Variants in UNC80 observed in about 807,000 individuals in gnomAD.
UNC80 encodes the protein unc-80 subunit of NALCN channel complex.
A neutral mutation model predicts 384.6 loss-of-function variants in UNC80; 164 were observed. That is an observed-to-expected ratio of 0.43 (90% CI 0.38 to 0.49). The LOEUF (loss-of-function observed/expected upper bound fraction) is 0.49. UNC80 is among the 20% of genes least tolerant of loss of function. UNC80 has a pLI of 0.00. For synonymous variants in UNC80, 1,486 were observed against 1,527.8 expected (o/e 0.97, Z 0.64); for missense variants, 3,330 against 4,143.0 (o/e 0.80, Z 5.39).
chr2:209,994,425 A>G (rs2093448300), intron 64 of UNC80, among the ~76,000 whole-genome samples, 161 bp downstream of exon 64: 1 of 152,170 alleles, frequency 6.6e-6, no homozygotes. Context: ...AAAAATCTAT[A>G]TAAAGTATAG....
intron 23 of UNC80, among the ~76,000 whole-genome samples, chr2:209,874,665 C>T (rs2084619223): frequency 6.6e-6 from 1 of 152,186 alleles, no homozygotes; most frequent in Non-Finnish European, 1.5e-5. Context: ...AGATATTCTC[C>T]AGGATCTCTC....
rs191457288 is a variant in UNC80 at position 209,890,126 on chromosome 2, G to A, written c.4276+1866G>A. Among the ~76,000 whole-genome samples the A allele has an allele frequency of 1.7e-3, 251 of 152,054 alleles. 1 individual carries two copies. The highest frequency in any genetic ancestry group is 5.8e-3 in the African/African-American group (242 of 41,488). ...ATATAAATAAAATTAACTGGTTAAG[G>A]TTTTTGTAAACTATCTTCAACTCAG... On this transcript the variant is annotated intron_variant, in intron 26 of 64. Transcript: ENST00000673920.
chr2:209,849,006 T>G (rs2082342501), intron 21 of UNC80, among the ~76,000 whole-genome samples: 1 of 152,132 alleles, frequency 6.6e-6, no homozygotes, highest in Non-Finnish European at 1.5e-5. Context: ...TGTACCAATT[T>G]GTACAGCATG....
chr2:209,954,344 A>G, intron 48 of UNC80, 74 bp downstream of exon 48: 1 of 1,347,666 alleles, frequency 7.4e-7, no homozygotes, highest in African/African-American at 1.5e-5. Flanking sequence ...TAAGAAAAAA[A>G]TGTGATGGAT....
intron 6 of UNC80, among the ~76,000 whole-genome samples, chr2:209,791,836 A>G (rs924399397): frequency 1.3e-5 from 2 of 150,544 alleles, no homozygotes; most frequent in Non-Finnish European, 3.0e-5. Flanking sequence ...AAAAAAAAAA[A>G]AAAAAAAAAA....
intron 1 of UNC80, among the ~76,000 whole-genome samples, chr2:209,772,538 GT>G (rs955772719): frequency 5.9e-5 from 9 of 151,982 alleles, no homozygotes; most frequent in African/African-American, 2.2e-4. Context: ...GTGACCTGTT[GT>G]TTTTCCAGCT....
At position 209,981,048 on chromosome 2, in the gene UNC80, C is replaced by T. The variant is rs1282834874; in HGVS notation, c.9119-1131C>T. Among the ~76,000 whole-genome samples the T allele has an allele frequency of 1.1e-4, 16 of 152,218 alleles. No homozygotes were observed. In the South Asian group the frequency reaches 1.2e-3, roughly 12 times the overall value. ...ATATAGCAAATTAAAATTGCTAGCACGTTTTATATTCACCTTTTGATTTGA... is the reference window on the plus strand; with the variant it reads ...ATATAGCAAATTAAAATTGCTAGCATGTTTTATATTCACCTTTTGATTTGA... On this transcript the variant is annotated intron_variant, in intron 59 of 64. Transcript: ENST00000673920.
At chr2:209,800,882 C>A (rs2078505039) in intron 7 of UNC80, among the ~76,000 whole-genome samples, 1 of 152,030 alleles carries the variant, frequency 6.6e-6, no homozygotes, top group Non-Finnish European at 1.5e-5. Context: ...TTTCTTAATC[C>A]CAATTTCTAA....
intron 6 of UNC80, among the ~76,000 whole-genome samples, chr2:209,791,370 T>A (rs1244101164): frequency 2.0e-5 from 3 of 150,032 alleles, no homozygotes; most frequent in African/African-American, 7.6e-5. Context: ...TTCCTCTCCC[T>A]GTTTTTTTTG....
intron 29 of UNC80, among the ~76,000 whole-genome samples, chr2:209,910,742 A>T (rs1441431056): frequency 6.6e-6 from 1 of 151,792 alleles, no homozygotes; most frequent in African/African-American, 2.4e-5. Context: ...ATTATTCAAA[A>T]GAATTCCTGG....
At chr2:209,798,974 G>T (rs190460415) in intron 7 of UNC80, among the ~76,000 whole-genome samples, 4 of 150,128 alleles carry the variant, frequency 2.7e-5, no homozygotes, top group South Asian at 2.1e-4. Context: ...GCGATCCACC[G>T]TGCCCAGCCT....
At chr2:209,983,736 CT>C (rs2093214699) in intron 60 of UNC80, among the ~76,000 whole-genome samples, 1 of 151,894 alleles carries the variant, frequency 6.6e-6, no homozygotes, top group South Asian at 2.1e-4. Flanking sequence ...CATCAATTTC[CT>C]TTTTACATAT....
chr2:209,837,238 A>G (rs575613856), intron 18 of UNC80, among the ~76,000 whole-genome samples: 36 of 152,318 alleles, frequency 2.4e-4, no homozygotes, highest in African/African-American at 6.5e-4. Flanking sequence ...TTCAGCCCCA[A>G]AACTTGTAAG....
intron 32 of UNC80, among the ~76,000 whole-genome samples, chr2:209,918,211 A>G (rs2089718458): frequency 6.6e-6 from 1 of 152,234 alleles, no homozygotes; most frequent in South Asian, 2.1e-4. Flanking sequence ...TAAGCATATG[A>G]AAGTCTGGGG....
intron 61 of UNC80, among the ~76,000 whole-genome samples, chr2:209,985,305 C>G (rs1244399744): frequency 6.6e-6 from 1 of 152,078 alleles, no homozygotes; most frequent in Non-Finnish European, 1.5e-5. Context: ...CATCAAGAAG[C>G]CCCTTATTAA....
intron 22 of UNC80, among the ~76,000 whole-genome samples, chr2:209,866,876 T>C (rs1192770574): frequency 3.9e-5 from 6 of 152,244 alleles, no homozygotes; most frequent in African/African-American, 1.4e-4. Context: ...TTCTGACTCT[T>C]GTTCACAGTG....
chr2:209,955,750 CACACACACAG>C (rs1290249133), intron 48 of UNC80, among the ~76,000 whole-genome samples: 4 of 105,742 alleles, frequency 3.8e-5, no homozygotes, highest in African/African-American at 6.4e-5. Context: ...CACACACACA[CACACACACAG>C]AGAGAGACTG....
intron 22 of UNC80, among the ~76,000 whole-genome samples, chr2:209,851,503 T>C (rs1368954667): frequency 1.3e-5 from 2 of 152,108 alleles, no homozygotes; most frequent in Admixed American, 1.3e-4. Context: ...TATAAGATAC[T>C]CACCATATAA....
chr2:209,803,929 G>A (rs558221595), intron 7 of UNC80, among the ~76,000 whole-genome samples: 2 of 152,134 alleles, frequency 1.3e-5, no homozygotes, highest in East Asian at 3.9e-4. Context: ...TAGAGACGTG[G>A]TCTTGCTATG....
Sources: gnomAD v4.1 joint callset for allele counts (sites outside exome capture counted in the v4.1 genomes callset) on GRCh38, gnomAD v4.1.1 for gene constraint, MANE v1.5 for transcripts, NCBI Gene and HGNC (gene_info 2026-07-23, HGNC 2026-07-21) for gene names.